The following PTPRE variants were observed in gnomAD, a reference collection of about 807,000 sequenced individuals.
PTPRE encodes the protein receptor-type tyrosine-protein phosphatase epsilon.
A neutral mutation model predicts 102.0 loss-of-function variants in PTPRE; 51 were observed. That is an observed-to-expected ratio of 0.50 (90% CI 0.40 to 0.63). The LOEUF (loss-of-function observed/expected upper bound fraction) is 0.63. Among genes scored for constraint, PTPRE ranks in the 30% least tolerant of loss-of-function variants. The probability of loss-of-function intolerance (pLI) is 0.00; values close to 1 mark genes in which losing one functional copy is unlikely to be tolerated. For synonymous variants in PTPRE, 345 were observed against 348.2 expected (o/e 0.99, Z 0.10); for missense variants, 752 against 915.1 (o/e 0.82, Z 2.30).
In PTPRE at chr10:128,008,853, CCAGT is replaced by C. The variant is rs1203434679; in HGVS notation, c.-8+26564_-8+26567del. On this transcript the variant is annotated intron_variant, in intron 2 of 20. Transcript: ENST00000254667. The surrounding 1 kb of genome is among the most constrained non-coding windows in gnomAD (Gnocchi z 4.0). ...CTCCTCCTGTCACTGATGAATGCAG[CCAGT>C]CAGTCAATCAACAAACCTGCATGAA... Among the ~76,000 whole-genome samples the C allele has an allele frequency of 6.6e-6, 1 of 152,184 alleles. No homozygotes were observed. Among genetic ancestry groups the C allele is most frequent in the Non-Finnish European group, 1.5e-5 (1 of 68,042 alleles).
chr10:127,987,284 C>A, intron 2 of PTPRE: 2 of 1,226,766 alleles, frequency 1.6e-6, no homozygotes, highest in Non-Finnish European at 2.1e-6. Flanking sequence ...GTGTTCACAG[C>A]AGACCCAGTT....
At chr10:128,051,757 G>A (rs1340468289) in intron 6 of PTPRE, among the ~76,000 whole-genome samples, 1 of 152,258 alleles carries the variant, frequency 6.6e-6, no homozygotes, top group Non-Finnish European at 1.5e-5. Context: ...GTGACAGGCA[G>A]GGTAGAGACG....
intron 19 of PTPRE, among the ~76,000 whole-genome samples, chr10:128,078,982 C>T (rs1258693087): frequency 6.6e-6 from 1 of 152,174 alleles, no homozygotes; most frequent in Non-Finnish European, 1.5e-5. Flanking sequence ...CTGGGCTCTG[C>T]TCTTGTGGGG....
At chr10:128,036,290 C>T (rs1223454103) in intron 2 of PTPRE, among the ~76,000 whole-genome samples, 10 of 151,988 alleles carry the variant, frequency 6.6e-5, no homozygotes, top group African/African-American at 2.2e-4. Context: ...GCCTCCCCCA[C>T]ACGCTGCACT....
intron 1 of PTPRE, among the ~76,000 whole-genome samples, chr10:127,976,745 G>A (rs1488072909): frequency 6.6e-6 from 1 of 152,176 alleles, no homozygotes; most frequent in Non-Finnish European, 1.5e-5. Flanking sequence ...CCCAAGTTCA[G>A]TAGCTCCTTC....
chr10:127,920,459 A>C (rs1846515708), intron 1 of PTPRE, among the ~76,000 whole-genome samples: 1 of 152,132 alleles, frequency 6.6e-6, no homozygotes, highest in Non-Finnish European at 1.5e-5. Context: ...GCTTCTTCAA[A>C]GCTCCTAGGT....
chr10:127,963,320 G>A (rs1849977361), intron 1 of PTPRE, among the ~76,000 whole-genome samples: 2 of 152,144 alleles, frequency 1.3e-5, no homozygotes. Context: ...TCTCCTGTCA[G>A]CCAAGGCCAC....
intron 2 of PTPRE, among the ~76,000 whole-genome samples, chr10:128,001,634 C>T (rs1853905988): frequency 6.6e-6 from 1 of 152,114 alleles, no homozygotes; most frequent in Non-Finnish European, 1.5e-5. Context: ...CTGCTCAGGT[C>T]CCCTGTTCCT....
At chr10:128,069,645 CG>C (rs1850589165) in intron 12 of PTPRE, 46 bp from the exon 13 acceptor site, 1 of 1,609,438 alleles carries the variant, frequency 6.2e-7, no homozygotes. Context: ...TCATTTACTT[CG>C]GGAGGAGTGT....
chr10:128,013,875 G>A lies in PTPRE; in HGVS notation c.-7-27000G>A, dbSNP rs769184924. Among the ~76,000 whole-genome samples, 14 of 151,938 alleles carry A rather than the reference G, an allele frequency of 9.2e-5. 1 individual carries two copies. Among genetic ancestry groups the A allele is most frequent in the Non-Finnish European group, 1.9e-4 (13 of 67,964 alleles). ...GGCTGACTAAGACAGTGTGTAGAGG[G>A]AGTTTCCCGAAGGCAGGGCTGTGTT... On this transcript the variant is annotated intron_variant, in intron 2 of 20. Transcript: ENST00000254667.
At chr10:128,012,146 T>C (rs1440069511) in intron 2 of PTPRE, among the ~76,000 whole-genome samples, 1 of 151,950 alleles carries the variant, frequency 6.6e-6, no homozygotes, top group Non-Finnish European at 1.5e-5. Flanking sequence ...TCCACCTGTC[T>C]CCTGGCTCAG....
chr10:127,915,457 T>C (rs1028628221), intron 1 of PTPRE, among the ~76,000 whole-genome samples: 3 of 152,254 alleles, frequency 2.0e-5, no homozygotes, highest in Non-Finnish European at 4.4e-5. Context: ...CCTAAGCTCA[T>C]AGCAGCCCTT....
intron 2 of PTPRE, among the ~76,000 whole-genome samples, chr10:128,040,486 G>A (rs1191825105): frequency 6.6e-6 from 1 of 152,128 alleles, no homozygotes; most frequent in Non-Finnish European, 1.5e-5. Context: ...AGAGTTAGCA[G>A]GGCGAGTGGA....
At chr10:128,004,259 G>A (rs1354714363) in intron 2 of PTPRE, among the ~76,000 whole-genome samples, 1 of 151,356 alleles carries the variant, frequency 6.6e-6, no homozygotes, top group Non-Finnish European at 1.5e-5. Flanking sequence ...GTACATGTTG[G>A]TCCTGGGGTG....
chr10:128,006,348 G>T (rs1025635544), intron 2 of PTPRE, among the ~76,000 whole-genome samples: 3 of 152,182 alleles, frequency 2.0e-5, no homozygotes, highest in Admixed American at 6.5e-5. Flanking sequence ...CACAGACAAG[G>T]TTCAACCTGA....
chr10:127,956,042 A>G lies in PTPRE; in HGVS notation c.-30-26232A>G, dbSNP rs574032913. ...TGGGCAGTACACAAATCGAAACTAT[A>G]TCAGGGATTAATGTGTTTTTGGTTG... On this transcript the variant is annotated intron_variant, in intron 1 of 20. Coordinates refer to ENST00000254667, the MANE Select transcript of PTPRE (RefSeq NM_006504.6). Among the ~76,000 whole-genome samples, 15 of 152,270 alleles carry G rather than the reference A, an allele frequency of 9.9e-5. No homozygotes were observed. The East Asian group carries it at 2.1e-3, about 22-fold the overall frequency.
intron 2 of PTPRE, among the ~76,000 whole-genome samples, chr10:128,002,450 G>A (rs1377129288): frequency 6.6e-6 from 1 of 151,994 alleles, no homozygotes; most frequent in Non-Finnish European, 1.5e-5. Flanking sequence ...AATTCCAGGG[G>A]CCCTACCAAT....
intron 1 of PTPRE, chr10:127,929,233 T>A (rs1324584636): frequency 6.6e-6 from 1 of 152,250 alleles, no homozygotes. Flanking sequence ...TTCAGTCAAC[T>A]GTAATGTTTC....
chr10:128,051,833 C>A (rs1362044312), intron 6 of PTPRE, among the ~76,000 whole-genome samples: 1 of 152,094 alleles, frequency 6.6e-6, no homozygotes, highest in African/African-American at 2.4e-5. Context: ...GTCTGGGGAA[C>A]CCTGGGGGAG....
Sources: allele counts gnomAD v4.1 joint callset (sites outside exome capture counted in the v4.1 genomes callset), GRCh38; gene constraint gnomAD v4.1.1; non-coding constraint Gnocchi (gnomAD v3.1); transcripts MANE v1.5; gene names NCBI Gene and HGNC (gene_info 2026-07-23, HGNC 2026-07-21).